Variants in AGTPBP1 observed in about 807,000 individuals in gnomAD.
The protein encoded by AGTPBP1 is ATP/GTP binding carboxypeptidase 1, also known as cytosolic carboxypeptidase 1.
A neutral mutation model predicts 143.9 loss-of-function variants in AGTPBP1; 70 were observed. That is an observed-to-expected ratio of 0.49 (90% CI 0.40 to 0.59). AGTPBP1 has a LOEUF of 0.59. AGTPBP1 is among the 20% of genes least tolerant of loss of function. The probability of loss-of-function intolerance (pLI) is 0.00; values close to 1 mark genes in which losing one functional copy is unlikely to be tolerated. For missense variants in AGTPBP1, 1,229 were observed against 1,464.5 expected, an observed-to-expected ratio of 0.84 and a Z score of 2.62; for synonymous variants, 463 against 500.2, an observed-to-expected ratio of 0.93 and a Z score of 0.99.
intron 3 of AGTPBP1, among the ~76,000 whole-genome samples, chr9:85,681,807 C>T (rs192582625): frequency 7.5e-6 from 1 of 134,178 alleles, no homozygotes; most frequent in Non-Finnish European, 1.5e-5. Flanking sequence ...TGGAGTGCAA[C>T]GGCGCAATCT....
upstream of AGTPBP1, among the ~76,000 whole-genome samples, chr9:85,746,056 A>T (rs1001827128): frequency 6.6e-6 from 1 of 152,114 alleles, no homozygotes; most frequent in Non-Finnish European, 1.5e-5. Flanking sequence ...CATGGTGCAG[A>T]TCAACAGGAA....
chr9:85,701,062 C>T (rs62569259), intron 2 of AGTPBP1, among the ~76,000 whole-genome samples: 2 of 151,892 alleles, frequency 1.3e-5, no homozygotes, highest in African/African-American at 4.8e-5. Flanking sequence ...GGATTACAGG[C>T]ATGTGCCACC....
chr9:85,636,337 C>T (rs563415663), intron 13 of AGTPBP1, among the ~76,000 whole-genome samples: 1 of 148,038 alleles, frequency 6.8e-6, no homozygotes, highest in South Asian at 2.2e-4. Flanking sequence ...TCTCAGCTCA[C>T]TGCAAGCTCC....
At chr9:85,567,305 T>A (rs1172932968) in intron 25 of AGTPBP1, among the ~76,000 whole-genome samples, 1 of 152,094 alleles carries the variant, frequency 6.6e-6, no homozygotes. Context: ...CAAGAAAATG[T>A]GAGGGCTGGG....
chr9:85,738,844 T>C (rs1403808089), intron 1 of AGTPBP1, among the ~76,000 whole-genome samples: 1 of 152,032 alleles, frequency 6.6e-6, no homozygotes, highest in Non-Finnish European at 1.5e-5. Context: ...GCACTAATAC[T>C]GCTCCATCCC....
intron 8 of AGTPBP1, 67 bp from the exon 9 acceptor site, chr9:85,661,040 C>A: frequency 7.6e-7 from 1 of 1,309,740 alleles, no homozygotes; most frequent in South Asian, 1.4e-5. Context: ...ATAGTAAATT[C>A]ATACAATCTT....
At chr9:85,760,987 G>A in the AGTPBP1 span, among the ~76,000 whole-genome samples, 1 of 152,092 alleles carries the variant, frequency 6.6e-6, no homozygotes, top group Non-Finnish European at 1.5e-5. Flanking sequence ...GACAAACAGA[G>A]AGCCAAATCA....
chr9:85,771,304 T>C, the AGTPBP1 span, among the ~76,000 whole-genome samples: 2 of 152,154 alleles, frequency 1.3e-5, no homozygotes, highest in Non-Finnish European at 2.9e-5. Flanking sequence ...TTTGAGATCC[T>C]ATCTTTACAA....
rs577733109 is a variant in AGTPBP1 at position 85,630,309 on chromosome 9, C to G, written c.2015+2353G>C. ...CAGAGTTCATCCTCAATCACTGCAA[C>G]TGTTCTCAGGGTTGCAAGCCCTCAC... On this transcript the variant is annotated intron_variant, in intron 14 of 25. Transcript: ENST00000357081. 9.2e-5 allele frequency among the ~76,000 whole-genome samples: 14 copies of G among 152,330 alleles called. 1 individual carries two copies. In the South Asian group the frequency reaches 1.5e-3, roughly 16 times the overall value.
chr9:85,640,412 C>T (rs1401079209), intron 13 of AGTPBP1, among the ~76,000 whole-genome samples: 1 of 152,212 alleles, frequency 6.6e-6, no homozygotes, highest in Non-Finnish European at 1.5e-5. Context: ...TAGAGCTACT[C>T]TATATAAAAC....
the AGTPBP1 span, chr9:85,770,320 G>T: frequency 1.2e-6 from 2 of 1,606,512 alleles, no homozygotes; most frequent in Non-Finnish European, 1.7e-6. Flanking sequence ...AGAAGGGATT[G>T]AAGCTTTGGA....
intron 8 of AGTPBP1, among the ~76,000 whole-genome samples, chr9:85,662,138 C>G: frequency 6.6e-6 from 1 of 152,024 alleles, no homozygotes; most frequent in South Asian, 2.1e-4. Context: ...AGGTAAAGAG[C>G]ATAACAGATT....
intron 11 of AGTPBP1, 135 bp downstream of exon 11, chr9:85,655,007 TA>T: frequency 1.3e-6 from 1 of 788,000 alleles, no homozygotes; most frequent in Non-Finnish European, 1.9e-6. Context: ...AATGCTTAAC[TA>T]AAATAAAATG....
chr9:85,581,862 T>A (rs1379215783), intron 23 of AGTPBP1, among the ~76,000 whole-genome samples: 3 of 152,160 alleles, frequency 2.0e-5, no homozygotes, highest in Admixed American at 6.5e-5. Flanking sequence ...TTTTTGAATG[T>A]CAACATGATG....
chr9:85,725,396 T>C (rs1377390338), intron 1 of AGTPBP1, among the ~76,000 whole-genome samples: 1 of 152,164 alleles, frequency 6.6e-6, no homozygotes, highest in Admixed American at 6.5e-5. Context: ...TGTTAGAAAT[T>C]AGCCATGTGG....
intron 8 of AGTPBP1, 29 bp downstream of exon 8, chr9:85,669,456 C>T: frequency 6.9e-7 from 1 of 1,445,152 alleles, no homozygotes; most frequent in East Asian, 2.3e-5. Context: ...AAGGCTATAC[C>T]TATGTTTACA....
intron 13 of AGTPBP1, among the ~76,000 whole-genome samples, 156 bp from the exon 14 acceptor site, chr9:85,633,530 T>C (rs1831828989): frequency 6.6e-6 from 1 of 152,206 alleles, no homozygotes; most frequent in African/African-American, 2.4e-5. Flanking sequence ...AAAGACAAAA[T>C]TTTTAACCAC....
At chr9:85,588,268 AATAT>A (rs1564035513) in intron 21 of AGTPBP1, 26 bp downstream of exon 21, 1 of 1,548,008 alleles carries the variant, frequency 6.5e-7, no homozygotes, top group South Asian at 1.2e-5. Flanking sequence ...AATGGTCTTG[AATAT>A]ATTCTACAAC....
At chr9:85,721,409 T>C (rs1307454377) in intron 1 of AGTPBP1, among the ~76,000 whole-genome samples, 1 of 152,190 alleles carries the variant, frequency 6.6e-6, no homozygotes, top group African/African-American at 2.4e-5. Context: ...CCCTTTGCCA[T>C]CATGTAATGG....
Sources: allele counts gnomAD v4.1 joint callset (sites outside exome capture counted in the v4.1 genomes callset), GRCh38; gene constraint gnomAD v4.1.1; transcripts MANE v1.5; gene names NCBI Gene and HGNC (gene_info 2026-07-23, HGNC 2026-07-21).